The following ATRNL1 variants were observed in gnomAD, a reference collection of about 807,000 sequenced individuals.
The protein encoded by ATRNL1 is attractin like 1, also known as attractin-like protein 1.
Under a neutral mutation model 182.7 loss-of-function variants are expected in ATRNL1, and 95 were observed. The observed-to-expected ratio is 0.52, with a 90% CI of 0.44 to 0.62. The LOEUF is 0.62. Among genes scored for constraint, ATRNL1 ranks in the 20% least tolerant of loss-of-function variants. The pLI, the probability that ATRNL1 is intolerant of heterozygous loss-of-function variation, is 0.00. For synonymous variants in ATRNL1, 576 were observed against 568.3 expected, an observed-to-expected ratio of 1.01 and a Z score of -0.19; for missense variants, 1,471 against 1,679.5, an observed-to-expected ratio of 0.88 and a Z score of 2.17.
intron 17 of ATRNL1, among the ~76,000 whole-genome samples, chr10:115,315,291 CTT>C (rs1854240157): frequency 6.6e-6 from 1 of 152,038 alleles, no homozygotes; most frequent in Non-Finnish European, 1.5e-5. Context: ...TTAACCACAC[CTT>C]TTTTCACTCC....
chr10:115,535,014 G>A (rs1293833283), intron 25 of ATRNL1, among the ~76,000 whole-genome samples: 4 of 152,086 alleles, frequency 2.6e-5, no homozygotes, highest in Admixed American at 6.6e-5. Context: ...AGGGTAACCC[G>A]ACCTTTCTCT....
intron 26 of ATRNL1, among the ~76,000 whole-genome samples, chr10:115,715,584 G>C (rs1242502439): frequency 6.6e-6 from 1 of 151,934 alleles, no homozygotes; most frequent in Non-Finnish European, 1.5e-5. Context: ...ATGGAATCGG[G>C]GTCAACATGA....
At chr10:115,851,128 T>A (rs1332915384) in intron 28 of ATRNL1, among the ~76,000 whole-genome samples, 1 of 151,924 alleles carries the variant, frequency 6.6e-6, no homozygotes, top group Non-Finnish European at 1.5e-5. Flanking sequence ...AAAATTTTTT[T>A]TTTATCAGGC....
At chr10:115,635,727 C>T (rs1361805499) in intron 26 of ATRNL1, among the ~76,000 whole-genome samples, 1 of 152,104 alleles carries the variant, frequency 6.6e-6, no homozygotes, top group East Asian at 1.9e-4. Context: ...CCTGGTATTA[C>T]TCAAAATGCC....
chr10:115,173,313 T>G (rs1437359407), intron 8 of ATRNL1, among the ~76,000 whole-genome samples: 1 of 151,928 alleles, frequency 6.6e-6, no homozygotes, highest in African/African-American at 2.4e-5. Flanking sequence ...TGTTATTAAT[T>G]TTTGGTTTTA....
At chr10:115,649,850 G>C (rs1593007927) in intron 26 of ATRNL1, among the ~76,000 whole-genome samples, 1 of 152,142 alleles carries the variant, frequency 6.6e-6, no homozygotes, top group East Asian at 1.9e-4. Context: ...AGTTTTTATG[G>C]CATGGAACTT....
At chr10:115,094,116 C>T in intron 1 of ATRNL1, 73 bp downstream of exon 1, 1 of 1,271,126 alleles carries the variant, frequency 7.9e-7, no homozygotes, top group Non-Finnish European at 1.0e-6. Context: ...GCCCCCCTCG[C>T]GGCCTCCCCC....
Position 115,410,630 on chromosome 10 carries a change from G to C in ATRNL1, c.3270-15620G>C, listed in dbSNP as rs571786432. 1.3e-4 allele frequency among the ~76,000 whole-genome samples: 19 copies of C among 151,782 alleles called. No individual in the cohort carries two copies. In the East Asian group the frequency reaches 2.3e-3, roughly 19 times the overall value. On this transcript the variant is annotated intron_variant, in intron 20 of 28. Coordinates refer to ENST00000355044, the MANE Select transcript of ATRNL1 (RefSeq NM_207303.4). ...CACCGCACCTGGCCTCTCTCTCTCTGTTTTAAAAATATTATATGATAGCAT... is the reference window on the plus strand; with the variant it reads ...CACCGCACCTGGCCTCTCTCTCTCTCTTTTAAAAATATTATATGATAGCAT...
At chr10:115,149,366 G>A (rs574159933) in intron 5 of ATRNL1, among the ~76,000 whole-genome samples, 1 of 151,724 alleles carries the variant, frequency 6.6e-6, no homozygotes, top group African/African-American at 2.4e-5. Context: ...AATGATTTTG[G>A]GGCTGTTTTT....
intron 5 of ATRNL1, among the ~76,000 whole-genome samples, chr10:115,146,544 C>G (rs1554879402): frequency 1.3e-5 from 2 of 152,024 alleles, no homozygotes; most frequent in African/African-American, 4.8e-5. Context: ...TTACCCTACA[C>G]TGCCATTGAA....
chr10:115,134,730 A>C (rs1241853565), intron 5 of ATRNL1, among the ~76,000 whole-genome samples: 3 of 152,150 alleles, frequency 2.0e-5, no homozygotes, highest in African/African-American at 7.2e-5. Context: ...GAGACACAAC[A>C]AAAAAAGAGA....
intron 5 of ATRNL1, among the ~76,000 whole-genome samples, chr10:115,151,142 C>T (rs527459627): frequency 1.2e-4 from 18 of 151,994 alleles, no homozygotes; most frequent in African/African-American, 2.9e-4. Context: ...TTGGGTTGGT[C>T]CCAAGTCTTT....
intron 26 of ATRNL1, among the ~76,000 whole-genome samples, chr10:115,655,974 T>C (rs1555035748): frequency 6.6e-6 from 1 of 152,162 alleles, no homozygotes; most frequent in African/African-American, 2.4e-5. Flanking sequence ...CCCTAAATAC[T>C]CTTTATTTGC....
At chr10:115,590,257 T>C (rs1855821893) in intron 26 of ATRNL1, among the ~76,000 whole-genome samples, 1 of 152,214 alleles carries the variant, frequency 6.6e-6, no homozygotes, top group African/African-American at 2.4e-5. Context: ...GTAGGTTTAT[T>C]TAAGCACATG....
chr10:115,513,107 T>C (rs959445474), intron 24 of ATRNL1, among the ~76,000 whole-genome samples: 1 of 152,006 alleles, frequency 6.6e-6, no homozygotes, highest in Non-Finnish European at 1.5e-5. Context: ...CTAAGACAAT[T>C]CTTTTTCTTC....
chr10:115,224,151 G>A (rs1403151924), intron 9 of ATRNL1, among the ~76,000 whole-genome samples: 1 of 151,008 alleles, frequency 6.6e-6, no homozygotes, highest in Admixed American at 6.6e-5. Flanking sequence ...TAGCCAGGGT[G>A]GTCTCAATCT....
intron 28 of ATRNL1, among the ~76,000 whole-genome samples, chr10:115,877,331 A>G (rs1281671744): frequency 6.6e-6 from 1 of 152,204 alleles, no homozygotes; most frequent in African/African-American, 2.4e-5. Context: ...AGCTACCCAT[A>G]TAGCCTTAGA....
intron 15 of ATRNL1, among the ~76,000 whole-genome samples, chr10:115,296,399 T>C (rs1466735064): frequency 2.6e-5 from 4 of 152,232 alleles, no homozygotes; most frequent in African/African-American, 9.6e-5. Flanking sequence ...CAGGTGTCTC[T>C]AGTCAGACAT....
chr10:115,606,285 GA>G (rs1470027551), intron 26 of ATRNL1, among the ~76,000 whole-genome samples: 1 of 151,636 alleles, frequency 6.6e-6, no homozygotes, highest in African/African-American at 2.4e-5. Flanking sequence ...CACACTCATA[GA>G]AAAAAAATGC....
Sources: gnomAD v4.1 joint callset for allele counts (sites outside exome capture counted in the v4.1 genomes callset) on GRCh38, gnomAD v4.1.1 for gene constraint, MANE v1.5 for transcripts, NCBI Gene and HGNC (gene_info 2026-07-23, HGNC 2026-07-21) for gene names.